RANBP9: variants seen among roughly 807,000 people sequenced by gnomAD.
RANBP9 encodes ran-binding protein 9.
In RANBP9, 15 loss-of-function variants were observed where a neutral mutation model predicts 84.3. That is an observed-to-expected ratio of 0.18 (90% CI 0.12 to 0.27). RANBP9 has a LOEUF of 0.27. RANBP9 is among the 10% of genes least tolerant of loss of function. The pLI is 1.00. For synonymous variants in RANBP9, 392 were observed against 349.6 expected (o/e 1.12, Z -1.35); for missense variants, 809 against 912.8 (o/e 0.89, Z 1.46).
At chr6:13,654,678 C>G (rs1212113918) in intron 4 of RANBP9, among the ~76,000 whole-genome samples, 1 of 152,148 alleles carries the variant, frequency 6.6e-6, no homozygotes, top group East Asian at 1.9e-4. Context: ...CACAAATATC[C>G]AACTCTGCCA....
intron 2 of RANBP9, among the ~76,000 whole-genome samples, chr6:13,682,545 T>G (rs1766069976): frequency 6.6e-6 from 1 of 151,978 alleles, no homozygotes; most frequent in African/African-American, 2.4e-5. Flanking sequence ...CTCCGCCTCC[T>G]GGGTTCAAGC....
rs73358375 is a variant in RANBP9 at position 13,708,908 on chromosome 6, G to A, written c.571+2027C>T. Among the ~76,000 whole-genome samples the A allele has an allele frequency of 5.4e-3, 821 of 152,030 alleles. 6 individuals are homozygous for A. Among genetic ancestry groups the A allele is most frequent in the African/African-American group, 0.019 (772 of 41,442 alleles). On this transcript the variant is annotated intron_variant, in intron 1 of 13. Transcript: ENST00000011619. ...AAAGGGAAAAAGACTTTCTGACAAG[G>A]GGTAAGAGAGAGACAAAGGAAAGAT...
chr6:13,681,277 G>T (rs1440700966), intron 2 of RANBP9, among the ~76,000 whole-genome samples: 1 of 151,952 alleles, frequency 6.6e-6, no homozygotes, highest in East Asian at 1.9e-4. Context: ...AGGAGGGTTT[G>T]AGATAAAGGG....
intron 1 of RANBP9, among the ~76,000 whole-genome samples, chr6:13,706,053 G>A (rs997774933): frequency 1.3e-5 from 2 of 151,840 alleles, no homozygotes; most frequent in Non-Finnish European, 2.9e-5. Context: ...GAAAGACAGA[G>A]TAAGTATAAC....
chr6:13,661,333 A>C (rs1182026058), intron 2 of RANBP9, among the ~76,000 whole-genome samples: 4 of 152,218 alleles, frequency 2.6e-5, no homozygotes, highest in Non-Finnish European at 5.9e-5. Flanking sequence ...GGAGGAATGA[A>C]TTGAAAATCA....
chr6:13,711,418 C>T lies in RANBP9; in HGVS notation c.88G>A (p.Val30Ile). 8.4e-7 allele frequency: 1 copy of T among 1,190,154 alleles called. No individual in the cohort carries two copies. The allele number at this position is 1,190,154 out of a possible 1,614,324, so 73.7% of individuals were successfully genotyped here. The change falls in exon 1 of 14, where the codon GTC (valine) becomes ATC (isoleucine). Residue 30 changes from valine to isoleucine, a missense_variant. Val to Ile is a conservative substitution (Grantham distance 29, BLOSUM62 3). This residue lies in a region of RANBP9 where 302 missense variants were observed against 240.1 expected (regional missense o/e 1.26). Coordinates refer to ENST00000011619, the MANE Select transcript of RANBP9 (RefSeq NM_005493.3). Reference protein sequence around the residue: ...SPPPPAALAPVSGVVLPAPPA... With the variant: ...SPPPPAALAPISGVVLPAPPA... Reference sequence around the variant, plus strand: ...GGCGCCGGCAGGACGACTCCGGAGACTGGGGCCAAGGCCGCCGGCGGTGGC... The same window carrying T: ...GGCGCCGGCAGGACGACTCCGGAGATTGGGGCCAAGGCCGCCGGCGGTGGC...
intron 12 of RANBP9, among the ~76,000 whole-genome samples, chr6:13,627,630 C>CAAAAAAAAAAAAAAAAAAAAAA (rs35401168): frequency 4.5e-5 from 3 of 66,402 alleles, no homozygotes; most frequent in East Asian, 4.5e-4. Context: ...ACTCCATCTC[C>CAAAAAAAAAAAAAAAAAAAAAA]AAAAAAAAAA....
intron 2 of RANBP9, among the ~76,000 whole-genome samples, chr6:13,688,956 G>A (rs930839751): frequency 7.7e-6 from 1 of 129,046 alleles, no homozygotes; most frequent in African/African-American, 3.0e-5. Flanking sequence ...AGACCAGCCT[G>A]TGCAACATAC....
At position 13,695,414 on chromosome 6, in the gene RANBP9, T is replaced by TG. The variant is rs1353231971; in HGVS notation, c.683+1370_683+1371insC. On this transcript the variant is annotated intron_variant, in intron 2 of 13. Coordinates refer to ENST00000011619, the MANE Select transcript of RANBP9 (RefSeq NM_005493.3). Reference sequence around the variant, plus strand: ...CACCAACCAAATGTTTTTTTTTTTTTTTTTTTTTTTTCAGAAAAAGATTTT... The same window carrying TG: ...CACCAACCAAATGTTTTTTTTTTTTTGTTTTTTTTTTTCAGAAAAAGATTTT... Among the ~76,000 whole-genome samples, 3 of 150,882 alleles carry TG rather than the reference T, an allele frequency of 2.0e-5. No individual in the cohort carries two copies. The East Asian group carries it at 5.8e-4, about 29-fold the overall frequency.
intron 2 of RANBP9, among the ~76,000 whole-genome samples, chr6:13,684,981 C>T (rs1766136282): frequency 6.6e-6 from 1 of 152,204 alleles, no homozygotes; most frequent in African/African-American, 2.4e-5. Flanking sequence ...CCTCATTCGC[C>T]TCCTCAGCCT....
At chr6:13,656,181 A>G (rs1765396061) in intron 4 of RANBP9, among the ~76,000 whole-genome samples, 1 of 152,186 alleles carries the variant, frequency 6.6e-6, no homozygotes, top group African/African-American at 2.4e-5. Flanking sequence ...GTTAAAGAAC[A>G]TCTATTATAT....
At chr6:13,703,149 A>T (rs1408743366) in intron 1 of RANBP9, among the ~76,000 whole-genome samples, 1 of 151,990 alleles carries the variant, frequency 6.6e-6, no homozygotes, top group East Asian at 1.9e-4. Flanking sequence ...AAGTTTTGGG[A>T]TTACAGGTGT....
chr6:13,655,003 C>T (rs1370719402), intron 4 of RANBP9, among the ~76,000 whole-genome samples: 3 of 152,250 alleles, frequency 2.0e-5, no homozygotes, highest in African/African-American at 2.4e-5. Context: ...ACTAAGAAAA[C>T]TGAGGCACAG....
chr6:13,663,681 T>C lies in RANBP9; in HGVS notation c.684-4849A>G, dbSNP rs116481207. On this transcript the variant is annotated intron_variant, in intron 2 of 13. Coordinates refer to ENST00000011619, the MANE Select transcript of RANBP9 (RefSeq NM_005493.3). ...TAAAGGTCAGTAAATAAAAAGAAATTCTAATAATGTATCAAAACGATAACA... is the reference window on the plus strand; with the variant it reads ...TAAAGGTCAGTAAATAAAAAGAAATCCTAATAATGTATCAAAACGATAACA... Among the ~76,000 whole-genome samples the C allele has an allele frequency of 2.4e-3, 372 of 152,112 alleles. 2 individuals carry two copies. The highest frequency in any genetic ancestry group is 0.01 in the Middle Eastern group (3 of 294).
chr6:13,681,482 T>C (rs1433914135), intron 2 of RANBP9, among the ~76,000 whole-genome samples: 3 of 152,100 alleles, frequency 2.0e-5, no homozygotes, highest in Non-Finnish European at 4.4e-5. Flanking sequence ...GGTTACTAGC[T>C]AATTTCATTA....
At chr6:13,639,256 G>GC (rs1214788732) in intron 9 of RANBP9, among the ~76,000 whole-genome samples, 1 of 152,182 alleles carries the variant, frequency 6.6e-6, no homozygotes, top group Non-Finnish European at 1.5e-5. Flanking sequence ...TCAGCTCACT[G>GC]CAACCTCTGC....
At chr6:13,709,813 ATAAGT>A (rs777079424) in intron 1 of RANBP9, among the ~76,000 whole-genome samples, 3 of 152,248 alleles carry the variant, frequency 2.0e-5, no homozygotes, top group Non-Finnish European at 4.4e-5. Context: ...TCAGTCCCGT[ATAAGT>A]TAAGAATTTA....
At chr6:13,662,448 A>G (rs761617299) in intron 2 of RANBP9, among the ~76,000 whole-genome samples, 1 of 152,146 alleles carries the variant, frequency 6.6e-6, no homozygotes, top group Non-Finnish European at 1.5e-5. Flanking sequence ...AGGGACTACT[A>G]TGGTCTGAAT....
At chr6:13,656,233 T>G (rs1765398058) in intron 4 of RANBP9, among the ~76,000 whole-genome samples, 1 of 152,204 alleles carries the variant, frequency 6.6e-6, no homozygotes, top group African/African-American at 2.4e-5. Flanking sequence ...AAATACTATT[T>G]GTAAATAGTT....
Sources: allele counts gnomAD v4.1 joint callset (sites outside exome capture counted in the v4.1 genomes callset), GRCh38; gene constraint gnomAD v4.1.1; regional missense constraint gnomAD v4.1.1; transcripts MANE v1.5; gene names NCBI Gene and HGNC (gene_info 2026-07-23, HGNC 2026-07-21).